Variants in PMP2 observed in about 807,000 individuals in gnomAD.
The protein encoded by PMP2 is myelin P2 protein.
PMP2 carries 11 observed loss-of-function variants against 15.9 expected under a neutral mutation model. That is an observed-to-expected ratio of 0.69 (90% confidence interval 0.44 to 1.14). The LOEUF (loss-of-function observed/expected upper bound fraction) is 1.14, where lower values mean the gene tolerates loss of function less well. Among genes scored for constraint, PMP2 ranks in the 50% most tolerant of loss-of-function variants. The pLI is 0.00. For missense variants in PMP2, 151 were observed against 154.0 expected, an observed-to-expected ratio of 0.98 and a Z score of 0.10; for synonymous variants, 55 against 54.1, an observed-to-expected ratio of 1.02 and a Z score of -0.07.
intron 1 of PMP2, among the ~76,000 whole-genome samples, chr8:81,445,991 A>G (rs1466573554): frequency 6.6e-6 from 1 of 151,366 alleles, no homozygotes. Context: ...ATATATGGAA[A>G]AGGGAAAATG....
At chr8:81,443,965 C>A (rs1807400228) in intron 3 of PMP2, among the ~76,000 whole-genome samples, 1 of 151,158 alleles carries the variant, frequency 6.6e-6, no homozygotes, top group Admixed American at 6.6e-5. Context: ...AAGCCTTAAC[C>A]CTAAAAAAAA....
At chr8:81,445,909 A>T (rs1807441098) in intron 1 of PMP2, among the ~76,000 whole-genome samples, 1 of 152,038 alleles carries the variant, frequency 6.6e-6, no homozygotes, top group East Asian at 1.9e-4. Context: ...TTTTTAAAAA[A>T]CTCTTCTACA....
rs1193026366 is a variant in PMP2, at chr8:81,440,436, G to T, written c.*2962C>A. 6.6e-6 allele frequency: 1 copy of T among 152,130 alleles called. No individual in the cohort carries two copies. The highest frequency in any genetic ancestry group is 1.5e-5 in the Non-Finnish European group (1 of 68,028). 9.4% of individuals were successfully genotyped at this position (152,130 alleles called of 1,614,324 possible). Reference sequence around the variant, plus strand: ...CAGTTTTTAAACTCGTATTTTGTGAGTTGGAGCCTGGCAACAAAACAACAA... The same window carrying T: ...CAGTTTTTAAACTCGTATTTTGTGATTTGGAGCCTGGCAACAAAACAACAA... On this transcript the variant is annotated 3_prime_UTR_variant, in exon 4 of 4. Coordinates refer to ENST00000256103, the MANE Select transcript of PMP2 (RefSeq NM_002677.5).
At position 81,444,825 on chromosome 8, in the gene PMP2, T is replaced by C. The variant is rs761809537; in HGVS notation, c.238A>G (p.Lys80Glu). The C allele has an allele frequency of 1.3e-5, 21 of 1,612,956 alleles. No homozygotes were observed. In the Admixed American group the frequency reaches 3.5e-4, roughly 27 times the overall value. Residue 80 changes from lysine (K) to glutamate (E), a missense_variant, in exon 2 of 4, where the codon AAG (lysine) becomes GAG (glutamate). Lys to Glu is a moderately conservative substitution (Grantham distance 56). Transcript: ENST00000256103. ...GAAACATTAAAGATTACCTTGGTCT[T>C]TCTATTGTCAGCTGTGGTTTCTTCA... is the stretch of plus-strand genomic sequence containing the variant. ...EFEETTADNR[K>E]TKSIVTLQRG...
At position 81,441,213 on chromosome 8, in the gene PMP2, T is replaced by A. The variant is rs1183281830; in HGVS notation, c.*2185A>T. On this transcript the variant is annotated 3_prime_UTR_variant, in exon 4 of 4. Coordinates refer to ENST00000256103, the MANE Select transcript of PMP2 (RefSeq NM_002677.5). ...AGGCACATGTTGAACATCCACCCTT[T>A]ATTGGTGAGGTTAATTTTGATAACC... 1 of 152,112 alleles carries A rather than the reference T, an allele frequency of 6.6e-6. No individual in the cohort carries two copies. The highest frequency in any genetic ancestry group is 1.5e-5 in the Non-Finnish European group (1 of 67,994). The allele number at this position is 152,112 out of a possible 1,614,324, so 9.4% of individuals were successfully genotyped here. A position where few individuals can be genotyped will look rare whatever the true frequency, so the allele number is the denominator to read the frequency against.
intron 1 of PMP2, among the ~76,000 whole-genome samples, chr8:81,447,049 C>T (rs1374775481): frequency 6.6e-6 from 1 of 152,208 alleles, no homozygotes. Flanking sequence ...AACCAAAATT[C>T]TCTTGGTATG....
Position 81,440,972 on chromosome 8 carries a change from G to A in PMP2, c.*2426C>T, listed in dbSNP as rs985285819. 2.6e-5 allele frequency: 4 copies of A among 152,124 alleles called. No homozygotes were observed. Among genetic ancestry groups the A allele is most frequent in the African/African-American group, 9.7e-5 (4 of 41,422 alleles). The allele number at this position is 152,124 out of a possible 1,614,324, so 9.4% of individuals were successfully genotyped here. Reference sequence around the variant, plus strand: ...AGTTGACCTAACATTGTCCTTTGGAGCACTTATGTTACCTCTGGTACAGAA... The same window carrying A: ...AGTTGACCTAACATTGTCCTTTGGAACACTTATGTTACCTCTGGTACAGAA... On this transcript the variant is annotated 3_prime_UTR_variant, in exon 4 of 4. Transcript: ENST00000256103.
rs374047600 is a variant in PMP2, at chr8:81,445,213, CT to C, written c.74-225del. ...TGCAAAAGTAAAGTCTGCAGATTTTCTTTTTTTTTTTTCTTTTTCTTTTCTT... is the reference window on the plus strand; with the variant it reads ...TGCAAAAGTAAAGTCTGCAGATTTTCTTTTTTTTTTTCTTTTTCTTTTCTT... On this transcript the variant is annotated intron_variant, in intron 1 of 3. Transcript: ENST00000256103. 4.3e-3 allele frequency among the ~76,000 whole-genome samples: 623 copies of C among 145,958 alleles called. 7 individuals are homozygous for C. Among genetic ancestry groups the C allele is most frequent in the East Asian group, 0.026 (130 of 5,014 alleles).
At chr8:81,446,006 AT>A (rs1807444025) in intron 1 of PMP2, among the ~76,000 whole-genome samples, 1 of 152,220 alleles carries the variant, frequency 6.6e-6, no homozygotes, top group Non-Finnish European at 1.5e-5. Flanking sequence ...AAAATGTAAA[AT>A]AAAAAATATA....
chr8:81,440,898 A>C lies in PMP2; in HGVS notation c.*2500T>G, dbSNP rs1016926110. The C allele has an allele frequency of 6.6e-6, 1 of 152,132 alleles. No individual in the cohort carries two copies. The highest frequency in any genetic ancestry group is 1.5e-5 in the Non-Finnish European group (1 of 68,016). The allele number at this position is 152,132 out of a possible 1,614,324, so 9.4% of individuals were successfully genotyped here. ...CCAAGAATAGGGATTTTTTTTACTTAATCAAAGTATACTTCTTATCTGATT... is the reference window on the plus strand; with the variant it reads ...CCAAGAATAGGGATTTTTTTTACTTCATCAAAGTATACTTCTTATCTGATT... On this transcript the variant is annotated 3_prime_UTR_variant, in exon 4 of 4. Transcript: ENST00000256103.
At position 81,447,387 on chromosome 8, in the gene PMP2, C is replaced by A. The variant is rs139627757; in HGVS notation, c.-1G>T. On this transcript the variant is annotated 5_prime_UTR_variant, in exon 1 of 4. Transcript: ENST00000256103. ...AGGTGCCCAGGAATTTGTTGCTCAT[C>A]GTGATGGGTGAGAGCTCAACACAGT... 6.2e-7 allele frequency: 1 copy of A among 1,612,532 alleles called. No individual in the cohort carries two copies. Among genetic ancestry groups the A allele is most frequent in the Admixed American group, 1.7e-5 (1 of 60,008 alleles).
Position 81,447,247 on chromosome 8 carries a change from GATGAAA to G in PMP2, c.73+61_73+66del. ...CCCCAGTATCCTGTTAAAAGTAGTA[GATGAAA>G]ATGTCATGTAGCTTTCTTAAAAAGG... On this transcript the variant is annotated intron_variant, in intron 1 of 3. Coordinates refer to ENST00000256103, the MANE Select transcript of PMP2 (RefSeq NM_002677.5). 2.5e-6 allele frequency: 3 copies of G among 1,194,280 alleles called. No individual in the cohort carries two copies. In the South Asian group the frequency reaches 3.6e-5, roughly 14 times the overall value. The allele number at this position is 1,194,280 out of a possible 1,614,324, so 74.0% of individuals were successfully genotyped here. A position where few individuals can be genotyped will look rare whatever the true frequency, so the allele number is the denominator to read the frequency against.
At chr8:81,446,177 T>G (rs1044044664) in intron 1 of PMP2, among the ~76,000 whole-genome samples, 4 of 152,218 alleles carry the variant, frequency 2.6e-5, no homozygotes, top group African/African-American at 7.2e-5. Flanking sequence ...CTTTTGTTAT[T>G]TTATACAGTT....
chr8:81,445,116 A>G, intron 1 of PMP2, 127 bp from the exon 2 acceptor site: 1 of 616,004 alleles, frequency 1.6e-6, no homozygotes, highest in Non-Finnish European at 2.8e-6. Flanking sequence ...ACTTACTACT[A>G]AGCATCTCCT....
intron 1 of PMP2, among the ~76,000 whole-genome samples, chr8:81,445,413 C>T (rs371975252): frequency 1.1e-3 from 169 of 152,070 alleles, no homozygotes; most frequent in African/African-American, 3.9e-3. Context: ...TTAGTAGAGA[C>T]GGGGTTTCAC....
chr8:81,441,558 C>CTATCTATCTATA lies in PMP2; in HGVS notation c.*1839_*1840insTATAGATAGATA, dbSNP rs1554569881. The CTATCTATCTATA allele has an allele frequency of 1.4e-5, 2 of 145,454 alleles. No individual in the cohort carries two copies. Among genetic ancestry groups the CTATCTATCTATA allele is most frequent in the Non-Finnish European group, 3.0e-5 (2 of 66,546 alleles). 9.0% of individuals were successfully genotyped at this position (145,454 alleles called of 1,614,324 possible). A position where few individuals can be genotyped will look rare whatever the true frequency, so the allele number is the denominator to read the frequency against. Reference sequence around the variant, plus strand: ...TCTATCTATCTATCTATCTATCTATCTATCTATATATCTATCTATCATCTG... The same window carrying CTATCTATCTATA: ...TCTATCTATCTATCTATCTATCTATCTATCTATCTATATATCTATATATCTATCTATCATCTG... On this transcript the variant is annotated 3_prime_UTR_variant, in exon 4 of 4. Coordinates refer to ENST00000256103, the MANE Select transcript of PMP2 (RefSeq NM_002677.5).
rs1807311629 is a variant in PMP2 at position 81,440,702 on chromosome 8, A to G, written c.*2696T>C. ...AATTGCTCTTTCTCTATTTATGTGT[A>G]TCAGATTATTGTTAAATGTTACCTT... is the stretch of plus-strand genomic sequence containing the variant. On this transcript the variant is annotated 3_prime_UTR_variant, in exon 4 of 4. Transcript: ENST00000256103. 1 of 152,208 alleles carries G rather than the reference A, an allele frequency of 6.6e-6. No individual in the cohort carries two copies. Among genetic ancestry groups the G allele is most frequent in the South Asian group, 2.1e-4 (1 of 4,828 alleles). 9.4% of individuals were successfully genotyped at this position (152,208 alleles called of 1,614,324 possible). A position where few individuals can be genotyped will look rare whatever the true frequency, so the allele number is the denominator to read the frequency against.
intron 1 of PMP2, 141 bp from the exon 2 acceptor site, chr8:81,445,130 A>C (rs923291277): frequency 1.7e-6 from 1 of 576,316 alleles, no homozygotes; most frequent in Non-Finnish European, 3.0e-6. Flanking sequence ...ATCTCCTCCC[A>C]TGTTTCACTC....
At position 81,444,859 on chromosome 8, in the gene PMP2, G is replaced by A. The variant is rs1349648447; in HGVS notation, c.204C>T (p.Gly68=). 1.9e-6 allele frequency: 3 copies of A among 1,613,724 alleles called. No homozygotes were observed. The African/African-American group carries it at 4.0e-5, about 22-fold the overall frequency. The stretch of plus-strand genomic sequence containing the variant: ...CAGCTGTGGTTTCTTCAAATTCCTG[G>A]CCTAGCTTGAAGGAGATTTCTGTAT... ...FKNTEISFKL[G]QEFEETTADN... is the part of the protein sequence containing the mutation. The change falls in exon 2 of 4, where the codon GGC becomes GGT. Residue 68 remains glycine, a synonymous_variant. Coordinates refer to ENST00000256103, the MANE Select transcript of PMP2 (RefSeq NM_002677.5).
Sources: gnomAD v4.1 joint callset for allele counts (sites outside exome capture counted in the v4.1 genomes callset) on GRCh38, gnomAD v4.1.1 for gene constraint, MANE v1.5 for transcripts, NCBI Gene and HGNC (gene_info 2026-07-23, HGNC 2026-07-21) for gene names.